Variants in SMIM7 observed in about 807,000 individuals in gnomAD.
SMIM7 encodes the protein UPF0608 protein C19orf42.
In SMIM7, 12 loss-of-function variants were observed where a neutral mutation model predicts 13.3. The ratio of observed to expected loss-of-function variants is 0.90; its 90% CI spans 0.58 to 1.46. SMIM7 has a LOEUF of 1.46. Among genes scored for constraint, SMIM7 ranks in the 40% most tolerant of loss-of-function variants. SMIM7 has a pLI of 0.00. For synonymous variants in SMIM7, 36 were observed against 35.8 expected (o/e 1.01, Z -0.02); for missense variants, 114 against 94.8 (o/e 1.20, Z -0.84).
At chr19:16,659,784 T>C (rs2086648789) in intron 2 of SMIM7, 175 bp downstream of exon 2, 1 of 810,474 alleles carries the variant, frequency 1.2e-6, no homozygotes, top group Non-Finnish European at 2.0e-6. Flanking sequence ...GTTTAAGGTC[T>C]CTCGGGGGGT....
chr19:16,647,558 C>T (rs942715924), intron 4 of SMIM7, among the ~76,000 whole-genome samples: 10 of 149,772 alleles, frequency 6.7e-5, no homozygotes, highest in African/African-American at 2.2e-4. Context: ...GAGATTCAAG[C>T]GATTCTCCTG....
intron 4 of SMIM7, among the ~76,000 whole-genome samples, chr19:16,632,426 C>T (rs1030484384): frequency 4.6e-5 from 7 of 152,002 alleles, no homozygotes; most frequent in African/African-American, 1.4e-4. Context: ...ACGCAAGCCC[C>T]GGAACCTGGT....
At chr19:16,658,149 C>T (rs2086621014) in intron 3 of SMIM7, among the ~76,000 whole-genome samples, 2 of 152,204 alleles carry the variant, frequency 1.3e-5, no homozygotes, top group African/African-American at 2.4e-5. Flanking sequence ...CCCTTCCACA[C>T]CCCAGCAGGA....
intron 4 of SMIM7, chr19:16,640,630 GTC>G (rs1264840752): frequency 9.9e-5 from 15 of 152,122 alleles, no homozygotes; most frequent in African/African-American, 3.4e-4. Flanking sequence ...GGGGTCTTTC[GTC>G]TAACTATCAA....
rs976410623 is a variant in SMIM7 at position 16,635,656 on chromosome 19, CG to C, written c.*138-3933del. Among the ~76,000 whole-genome samples the C allele has an allele frequency of 5.3e-5, 8 of 151,298 alleles. No homozygotes were observed. The East Asian group carries it at 1.6e-3, about 30-fold the overall frequency. ...CAGCACTTTGAGAGGCCGAGGCGGG[CG>C]GATCACTTGAGGTCAGGAGTTTGAG... is the stretch of plus-strand genomic sequence containing the variant. On this transcript the variant is annotated intron_variant and NMD_transcript_variant, in intron 4 of 4. Coordinates refer to the SMIM7 transcript ENST00000465250.
At chr19:16,636,810 G>A (rs1226214757) in intron 4 of SMIM7, among the ~76,000 whole-genome samples, 1 of 151,952 alleles carries the variant, frequency 6.6e-6, no homozygotes, top group Non-Finnish European at 1.5e-5. Flanking sequence ...AAAAATAGCT[G>A]GGTGTGGTAG....
intron 4 of SMIM7, among the ~76,000 whole-genome samples, chr19:16,651,324 C>T (rs779693350): frequency 1.3e-5 from 2 of 152,204 alleles, no homozygotes; most frequent in African/African-American, 2.4e-5. Context: ...AGCAGCCACA[C>T]ACATGAACTT....
chr19:16,638,306 T>TC (rs1422756495), intron 4 of SMIM7, among the ~76,000 whole-genome samples: 4 of 133,484 alleles, frequency 3.0e-5, no homozygotes, highest in South Asian at 2.6e-4. Flanking sequence ...TTTTTCTTTT[T>TC]TTTTTTTTTT....
At chr19:16,658,390 T>C (rs1384418000) in intron 3 of SMIM7, among the ~76,000 whole-genome samples, 1 of 152,168 alleles carries the variant, frequency 6.6e-6, no homozygotes, top group East Asian at 1.9e-4. Context: ...CATGTACAGA[T>C]CCCCTTAAGA....
chr19:16,659,128 C>CA, intron 3 of SMIM7: 1 of 515,412 alleles, frequency 1.9e-6, no homozygotes, highest in East Asian at 3.5e-5. Context: ...ACAAAAAATA[C>CA]AAAATTTAGC....
intron 4 of SMIM7, among the ~76,000 whole-genome samples, chr19:16,649,908 G>C (rs1467310325): frequency 6.6e-6 from 1 of 152,048 alleles, no homozygotes; most frequent in African/African-American, 2.4e-5. Flanking sequence ...TATATAAACT[G>C]TCCACATGAG....
intron 4 of SMIM7, among the ~76,000 whole-genome samples, chr19:16,639,129 T>TG (rs2122496067): frequency 6.6e-6 from 1 of 151,418 alleles, no homozygotes; most frequent in South Asian, 2.1e-4. Context: ...CATTTTTTTT[T>TG]TTTTTTTTTT....
chr19:16,652,189 C>T (rs1445610740), intron 4 of SMIM7, among the ~76,000 whole-genome samples: 1 of 152,158 alleles, frequency 6.6e-6, no homozygotes, highest in East Asian at 1.9e-4. Context: ...TCTTCTTGTC[C>T]TTTAGGTCTT....
intron 3 of SMIM7, among the ~76,000 whole-genome samples, chr19:16,655,680 CAAAAAAAAAAAAAA>C (rs869256040): frequency 2.6e-5 from 1 of 38,514 alleles, no homozygotes; most frequent in African/African-American, 9.5e-5. Context: ...GACTCCATCT[CAAAAAAAAAAAAAA>C]AAAAAAAAAA....
chr19:16,639,552 T>C lies in SMIM7; in HGVS notation c.*137+7544A>G, dbSNP rs940796179. 6.6e-5 allele frequency among the ~76,000 whole-genome samples: 10 copies of C among 152,208 alleles called. No individual in the cohort carries two copies. The East Asian group carries it at 7.7e-4, about 12-fold the overall frequency. On this transcript the variant is annotated intron_variant and NMD_transcript_variant, in intron 4 of 4. Coordinates refer to the SMIM7 transcript ENST00000465250. Reference sequence around the variant, plus strand: ...TTGCAAGGACTCAATCCTGCCCTTATAGTGCTAAAGGAGCCAAGGATGATA... The same window carrying C: ...TTGCAAGGACTCAATCCTGCCCTTACAGTGCTAAAGGAGCCAAGGATGATA...
rs532685062 is a variant in SMIM7, at chr19:16,646,655, T to C, written c.*591A>G. ...CCCCACAACTGCTCCACATGTCTTCTGTGGAAACACTTCACCAGGAACTAG... is the reference window on the plus strand; with the variant it reads ...CCCCACAACTGCTCCACATGTCTTCCGTGGAAACACTTCACCAGGAACTAG... On this transcript the variant is annotated 3_prime_UTR_variant, in exon 5 of 5. Transcript: ENST00000487416. 6.4e-6 allele frequency: 1 copy of C among 156,964 alleles called. No individual in the cohort carries two copies. The highest frequency in any genetic ancestry group is 6.4e-5 in the Admixed American group (1 of 15,684). The allele number at this position is 156,964 out of a possible 1,614,324, so 9.7% of individuals were successfully genotyped here. A position where few individuals can be genotyped will look rare whatever the true frequency, so the allele number is the denominator to read the frequency against.
intron 4 of SMIM7, among the ~76,000 whole-genome samples, chr19:16,637,420 G>A (rs752558449): frequency 1.6e-4 from 24 of 152,120 alleles, no homozygotes; most frequent in Non-Finnish European, 3.1e-4. Context: ...TGGGAGGATC[G>A]CTTGAGCCTG....
rs761065056 is a variant in SMIM7 at position 16,659,942 on chromosome 19, G to A, written c.68+17C>T. 3.7e-5 allele frequency: 60 copies of A among 1,606,714 alleles called. No individual in the cohort carries two copies. Among genetic ancestry groups the A allele is most frequent in the Non-Finnish European group, 4.8e-5 (57 of 1,177,202 alleles). On this transcript the variant is annotated intron_variant, in intron 2 of 4. Coordinates refer to ENST00000487416, the MANE Select transcript of SMIM7 (RefSeq NM_024104.4). The stretch of plus-strand genomic sequence containing the variant: ...GGTTCCCCGGATGGAGCCGCAGTCC[G>A]GCCGCGACCTACTCACAGCTTAAAG...
intron 4 of SMIM7, among the ~76,000 whole-genome samples, chr19:16,650,970 C>G (rs1435478473): frequency 6.6e-6 from 1 of 152,198 alleles, no homozygotes; most frequent in Non-Finnish European, 1.5e-5. Flanking sequence ...ACTTTCAGAA[C>G]GTTTCATTTC....
Sources: gnomAD v4.1 joint callset for allele counts (sites outside exome capture counted in the v4.1 genomes callset) on GRCh38, gnomAD v4.1.1 for gene constraint, MANE v1.5 for transcripts, NCBI Gene and HGNC (gene_info 2026-07-23, HGNC 2026-07-21) for gene names.